The following SLIT3 variants were observed in gnomAD, a reference collection of about 807,000 sequenced individuals.
SLIT3 encodes slit homolog 3 protein.
SLIT3 carries 68 observed loss-of-function variants against 184.0 expected under a neutral mutation model. That is an observed-to-expected ratio of 0.37 (90% CI 0.30 to 0.45). The LOEUF (loss-of-function observed/expected upper bound fraction) is 0.45, where lower values mean the gene tolerates loss of function less well. Among genes scored for constraint, SLIT3 ranks in the 20% least tolerant of loss-of-function variants. SLIT3 has a pLI of 1.00. For synonymous variants in SLIT3, 831 were observed against 828.6 expected, an observed-to-expected ratio of 1.00 and a Z score of -0.05; for missense variants, 1,707 against 2,026.0, an observed-to-expected ratio of 0.84 and a Z score of 3.02.
intron 1 of SLIT3, among the ~76,000 whole-genome samples, chr5:169,285,052 A>G (rs2113651476): frequency 6.6e-6 from 1 of 152,202 alleles, no homozygotes; most frequent in Admixed American, 6.5e-5. Context: ...CTAGCACCAC[A>G]GTTGTGTACC....
At chr5:169,069,692 C>T (rs866450720) in intron 4 of SLIT3, among the ~76,000 whole-genome samples, 3 of 151,904 alleles carry the variant, frequency 2.0e-5, no homozygotes, top group Middle Eastern at 3.4e-3. Context: ...CTGGGGATCA[C>T]CAAGAGGTTT....
intron 5 of SLIT3, among the ~76,000 whole-genome samples, chr5:168,865,790 C>CT (rs377010989): frequency 6.6e-6 from 1 of 152,128 alleles, no homozygotes; most frequent in Non-Finnish European, 1.5e-5. Context: ...GTCCTTCAGG[C>CT]TTTTTTCCCC....
chr5:169,137,374 C>T lies in SLIT3; in HGVS notation c.413+56105G>A, dbSNP rs999668728. Among the ~76,000 whole-genome samples, 8 of 130,048 alleles carry T rather than the reference C, an allele frequency of 6.2e-5. No individual in the cohort carries two copies. The East Asian group carries it at 8.9e-4, about 15-fold the overall frequency. The allele number at this position is 130,048 out of a possible 152,430, so 85.3% of individuals were successfully genotyped here. On this transcript the variant is annotated intron_variant, in intron 4 of 35. Transcript: ENST00000519560. Reference sequence around the variant, plus strand: ...GAGAGAGAAACAGTTTGCTTCACAGCGGGAAGCAGGGGAAGGGTATCTATT... The same window carrying T: ...GAGAGAGAAACAGTTTGCTTCACAGTGGGAAGCAGGGGAAGGGTATCTATT...
At chr5:168,676,423 G>A (rs1165428166) in intron 32 of SLIT3, among the ~76,000 whole-genome samples, 1 of 152,138 alleles carries the variant, frequency 6.6e-6, no homozygotes, top group Non-Finnish European at 1.5e-5. Context: ...GTCCACTGAG[G>A]AATCTGGTTT....
At chr5:168,985,348 C>G (rs928160714) in intron 4 of SLIT3, among the ~76,000 whole-genome samples, 1 of 152,126 alleles carries the variant, frequency 6.6e-6, no homozygotes, top group African/African-American at 2.4e-5. Context: ...GATCTTGGAT[C>G]GTCATATGAG....
In SLIT3 at chr5:168,937,322, G is replaced by T. The variant is rs574442619; in HGVS notation, c.414-53986C>A. On this transcript the variant is annotated intron_variant, in intron 4 of 35. Transcript: ENST00000519560. ...AAAACCATTAAAGTGTTGTGAGCAG[G>T]AGAGTGAGGGATCGAACATGCATTT... Among the ~76,000 whole-genome samples the T allele has an allele frequency of 7.9e-5, 12 of 152,284 alleles. No homozygotes were observed. The South Asian group carries it at 2.3e-3, about 29-fold the overall frequency.
intron 4 of SLIT3, among the ~76,000 whole-genome samples, chr5:168,914,058 G>A (rs1761354311): frequency 6.6e-6 from 1 of 152,100 alleles, no homozygotes; most frequent in Non-Finnish European, 1.5e-5. Flanking sequence ...TCATATAGAT[G>A]TGCCATAAGT....
At chr5:169,158,999 GAGGCCGGGC>G (rs1330514263) in intron 4 of SLIT3, among the ~76,000 whole-genome samples, 3 of 152,192 alleles carry the variant, frequency 2.0e-5, no homozygotes, top group African/African-American at 7.2e-5. Context: ...AACAGAGACT[GAGGCCGGGC>G]ATGGTGGCTC....
chr5:168,959,388 G>T (rs1176300096), intron 4 of SLIT3, among the ~76,000 whole-genome samples: 1 of 152,142 alleles, frequency 6.6e-6, no homozygotes, highest in Non-Finnish European at 1.5e-5. Flanking sequence ...GGAAAGAAAG[G>T]CCCTGTCTGT....
intron 4 of SLIT3, among the ~76,000 whole-genome samples, chr5:169,125,710 T>C (rs79557413): frequency 6.6e-6 from 1 of 152,052 alleles, no homozygotes; most frequent in African/African-American, 2.4e-5. Context: ...TCCTACCACA[T>C]TTTTCCCCCA....
At chr5:168,746,433 T>C (rs1178741081) in intron 20 of SLIT3, among the ~76,000 whole-genome samples, 3 of 50,918 alleles carry the variant, frequency 5.9e-5, no homozygotes, top group African/African-American at 8.8e-5. Context: ...TGGTGGTGTG[T>C]GGTGGTGTGG....
At chr5:168,858,160 G>C (rs1049268064) in intron 5 of SLIT3, among the ~76,000 whole-genome samples, 1 of 152,230 alleles carries the variant, frequency 6.6e-6, no homozygotes, top group African/African-American at 2.4e-5. Context: ...CTGGAAAAAT[G>C]AGAGTCTAGA....
chr5:169,052,345 T>C (rs1757847094), intron 4 of SLIT3, among the ~76,000 whole-genome samples: 1 of 152,198 alleles, frequency 6.6e-6, no homozygotes, highest in African/African-American at 2.4e-5. Flanking sequence ...TCAGAGGTCA[T>C]GAGGCCACAA....
At chr5:168,993,639 T>C (rs2113394572) in intron 4 of SLIT3, among the ~76,000 whole-genome samples, 1 of 151,100 alleles carries the variant, frequency 6.6e-6, no homozygotes, top group East Asian at 2.0e-4. Flanking sequence ...ATGGAAAGAG[T>C]TTCTGTTTTC....
intron 4 of SLIT3, among the ~76,000 whole-genome samples, chr5:169,171,026 C>G (rs1762801449): frequency 6.6e-6 from 1 of 152,142 alleles, no homozygotes; most frequent in Non-Finnish European, 1.5e-5. Flanking sequence ...AAATGAGAAG[C>G]AGTCCATTAA....
intron 3 of SLIT3, among the ~76,000 whole-genome samples, chr5:169,202,371 C>A (rs976914180): frequency 3.3e-5 from 5 of 152,116 alleles, no homozygotes; most frequent in Non-Finnish European, 7.4e-5. Context: ...TCTGTATTAT[C>A]TCACTTCGTC....
In SLIT3 at chr5:168,822,434, G is replaced by A. The variant is rs79817220; in HGVS notation, c.629+826C>T. Among the ~76,000 whole-genome samples, 145 of 152,268 alleles carry A rather than the reference G, an allele frequency of 9.5e-4. 1 individual carries two copies. The East Asian group carries it at 0.019, about 20-fold the overall frequency. ...CTAAATGTTTTTGGCTGACACCCTT[G>A]GGAGCTGGCTCTCCCTGACCAGTGT... is the stretch of plus-strand genomic sequence containing the variant. On this transcript the variant is annotated intron_variant, in intron 7 of 35. Transcript: ENST00000519560.
rs974472532 is a variant in SLIT3, at chr5:168,665,777, A to AGG, written c.*675_*676dup. The AGG allele has an allele frequency of 6.6e-6, 1 of 152,292 alleles. No individual in the cohort carries two copies. The highest frequency in any genetic ancestry group is 1.5e-5 in the Non-Finnish European group (1 of 68,212). 9.4% of individuals were successfully genotyped at this position (152,292 alleles called of 1,614,324 possible). A position where few individuals can be genotyped will look rare whatever the true frequency, so the allele number is the denominator to read the frequency against. ...CCCCCAGTGGGTTCAGATACCCTGAAGGGGGGTCTGGGACAGACAGGGACA... is the reference window on the plus strand; with the variant it reads ...CCCCCAGTGGGTTCAGATACCCTGAAGGGGGGGGTCTGGGACAGACAGGGACA... On this transcript the variant is annotated 3_prime_UTR_variant, in exon 36 of 36. Transcript: ENST00000519560.
At chr5:168,956,566 C>T (rs1235129425) in intron 4 of SLIT3, among the ~76,000 whole-genome samples, 6 of 152,090 alleles carry the variant, frequency 3.9e-5, no homozygotes, top group Non-Finnish European at 8.8e-5. Flanking sequence ...GAGGCCAAGG[C>T]GGGCAGATCA....
Sources: gnomAD v4.1 joint callset for allele counts (sites outside exome capture counted in the v4.1 genomes callset) on GRCh38, gnomAD v4.1.1 for gene constraint, MANE v1.5 for transcripts, NCBI Gene and HGNC (gene_info 2026-07-23, HGNC 2026-07-21) for gene names.